The following CHD7 variants were observed in gnomAD, a reference collection of about 807,000 sequenced individuals.
CHD7 encodes ATP-dependent chromatin remodeler CHD7.
CHD7 carries 24 observed loss-of-function variants against 307.3 expected under a neutral mutation model. The ratio of observed to expected loss-of-function variants is 0.08; its 90% CI spans 0.06 to 0.11. CHD7 has a LOEUF of 0.11. CHD7 is among the 10% of genes least tolerant of loss of function. The probability of loss-of-function intolerance (pLI) is 1.00; values close to 1 mark genes in which losing one functional copy is unlikely to be tolerated. For missense variants in CHD7, 3,106 were observed against 3,727.1 expected (o/e 0.83, Z 4.34); for synonymous variants, 1,363 against 1,349.9 (o/e 1.01, Z -0.21).
At chr8:60,768,043 A>G (rs1251129026) in intron 2 of CHD7, among the ~76,000 whole-genome samples, 1 of 152,112 alleles carries the variant, frequency 6.6e-6, no homozygotes, top group Admixed American at 6.5e-5. Flanking sequence ...TTAGATTTGT[A>G]TTCTAGTATA....
intron 3 of CHD7, among the ~76,000 whole-genome samples, chr8:60,786,454 G>A (rs577785885): frequency 4.6e-5 from 7 of 152,192 alleles, no homozygotes; most frequent in Non-Finnish European, 1.0e-4. Flanking sequence ...CTGGAAATTT[G>A]TTTCTGCCCA....
Position 60,841,838 on chromosome 8 carries a change from T to C in CHD7, c.4645-9T>C, listed in dbSNP as rs766575601. The C allele has an allele frequency of 9.4e-5, 151 of 1,608,230 alleles. No individual in the cohort carries two copies. The highest frequency in any genetic ancestry group is 2.5e-5 in the Non-Finnish European group (29 of 1,176,758). On this transcript the variant is annotated splice_polypyrimidine_tract_variant and intron_variant, in intron 20 of 37. Coordinates refer to ENST00000423902, the MANE Select transcript of CHD7 (RefSeq NM_017780.4). Reference sequence around the variant, plus strand: ...GAAATGTCAAATGTATCTCCTCTTTTATTATTAGAACAACCTGGTTATTGA... The same window carrying C: ...GAAATGTCAAATGTATCTCCTCTTTCATTATTAGAACAACCTGGTTATTGA...
intron 1 of CHD7, among the ~76,000 whole-genome samples, chr8:60,715,097 G>A (rs1807523753): frequency 6.6e-6 from 1 of 152,210 alleles, no homozygotes; most frequent in Admixed American, 6.5e-5. Flanking sequence ...ATTGGAGAAA[G>A]ACATTAGAGT....
At chr8:60,746,316 A>G (rs550233370) in intron 2 of CHD7, among the ~76,000 whole-genome samples, 1 of 152,258 alleles carries the variant, frequency 6.6e-6, no homozygotes, top group Non-Finnish European at 1.5e-5. Context: ...GATTTGTGCA[A>G]ATATTATCCC....
intron 36 of CHD7, 30 bp downstream of exon 36, chr8:60,862,366 A>G (rs1178590985): frequency 5.1e-6 from 8 of 1,582,660 alleles, no homozygotes; most frequent in Admixed American, 1.8e-5. Flanking sequence ...ATTGATCACT[A>G]TGCGATTTCT....
At position 60,862,283 on chromosome 8, in the gene CHD7, A is replaced by G. The variant is rs536569775; in HGVS notation, c.7918A>G (p.Thr2640Ala). Residue 2640 changes from threonine (T) to alanine (A), a missense_variant, in exon 36 of 38, where the codon ACT becomes GCT. By Grantham distance (58) the Thr-to-Ala change is moderately conservative. Transcript: ENST00000423902. ...AAACCCTAATAAATTGGATATAAAC[A>G]CTTTGACAGGAGAAGAAAGGGTGCC... ...CRNPNKLDINTLTGEERVPVV... is the reference protein window; with the variant it reads ...CRNPNKLDINALTGEERVPVV... 1.9e-6 allele frequency: 3 copies of G among 1,610,050 alleles called. No individual in the cohort carries two copies. Among genetic ancestry groups the G allele is most frequent in the East Asian group, 2.2e-5 (1 of 44,860 alleles).
At chr8:60,821,735 T>C in intron 9 of CHD7, 55 bp from the exon 10 acceptor site, 2 of 1,467,144 alleles carry the variant, frequency 1.4e-6, no homozygotes, top group Non-Finnish European at 1.9e-6. Flanking sequence ...TATATATGTA[T>C]ATGTATGTAT....
At chr8:60,765,028 GCAGCATGAGTGC>G (rs1810398538) in intron 2 of CHD7, among the ~76,000 whole-genome samples, 1 of 152,212 alleles carries the variant, frequency 6.6e-6, no homozygotes, top group Non-Finnish European at 1.5e-5. Context: ...AATGCACGAG[GCAGCATGAGTGC>G]CCTTTTCAAG....
intron 8 of CHD7, among the ~76,000 whole-genome samples, chr8:60,819,689 G>A (rs759861466): frequency 3.2e-4 from 49 of 152,242 alleles, no homozygotes; most frequent in Non-Finnish European, 5.3e-4. Context: ...TAAATGCATC[G>A]CATGCCATAA....
chr8:60,686,131 T>C (rs1293143201), intron 1 of CHD7, among the ~76,000 whole-genome samples: 2 of 152,170 alleles, frequency 1.3e-5, no homozygotes, highest in African/African-American at 2.4e-5. Context: ...TCCTGTCTTG[T>C]GTTGTTTGTA....
chr8:60,770,837 A>G (rs766841989), intron 2 of CHD7, among the ~76,000 whole-genome samples: 1 of 152,184 alleles, frequency 6.6e-6, no homozygotes, highest in East Asian at 1.9e-4. Flanking sequence ...ACCTTACACC[A>G]AGTTCTCTTT....
chr8:60,724,861 G>C (rs1177688806), intron 1 of CHD7, among the ~76,000 whole-genome samples: 1 of 152,132 alleles, frequency 6.6e-6, no homozygotes, highest in Non-Finnish European at 1.5e-5. Flanking sequence ...TAAGTCATAG[G>C]CCTGTGTTGA....
rs1233377890 is a variant in CHD7, at chr8:60,838,195, C to T, written c.4473C>T (p.Leu1491=). ...GTGAAGAAGATATTGATCAGATCCT[C>T]CTACGTCGAACCCACACCATTACCA... is the stretch of plus-strand genomic sequence containing the variant. ...KFCEEDIDQI[L]LRRTHTITIE... Residue 1491 remains leucine, a synonymous_variant, in exon 19 of 38, where the codon CTC becomes CTT. Coordinates refer to ENST00000423902, the MANE Select transcript of CHD7 (RefSeq NM_017780.4). The T allele has an allele frequency of 6.2e-6, 10 of 1,600,670 alleles. No homozygotes were observed. Among genetic ancestry groups the T allele is most frequent in the Non-Finnish European group, 8.5e-6 (10 of 1,173,492 alleles).
At chr8:60,725,194 C>T (rs1808105815) in intron 1 of CHD7, among the ~76,000 whole-genome samples, 1 of 152,172 alleles carries the variant, frequency 6.6e-6, no homozygotes, top group South Asian at 2.1e-4. Flanking sequence ...CTCTGGATTT[C>T]AGATGTGTGG....
chr8:60,855,259 T>G (rs1285993609), intron 32 of CHD7: 1 of 152,242 alleles, frequency 6.6e-6, no homozygotes, highest in Admixed American at 6.5e-5. Context: ...TTGTTTCCTC[T>G]CTCTATCCCT....
chr8:60,780,200 C>T (rs1811141647), intron 2 of CHD7, among the ~76,000 whole-genome samples: 1 of 152,086 alleles, frequency 6.6e-6, no homozygotes, highest in Non-Finnish European at 1.5e-5. Context: ...CTTGGCTGAC[C>T]ACTCAGAATC....
intron 13 of CHD7, among the ~76,000 whole-genome samples, chr8:60,828,233 A>G (rs1804343735): frequency 6.6e-6 from 1 of 152,220 alleles, no homozygotes. Context: ...TTTTGTCTCT[A>G]TGAAGTGAGT....
Position 60,856,553 on chromosome 8 carries a change from G to T in CHD7, c.7273G>T (p.Ala2425Ser), listed in dbSNP as rs1327945597. 1 of 1,614,026 alleles carries T rather than the reference G, an allele frequency of 6.2e-7. No homozygotes were observed. Among genetic ancestry groups the T allele is most frequent in the Non-Finnish European group, 8.5e-7 (1 of 1,179,894 alleles). The change falls in exon 34 of 38, where the codon GCC (alanine) becomes TCC (serine). Residue 2425 changes from alanine (A) to serine (S), a missense_variant. This residue lies in a region of CHD7 where 1,030 missense variants were observed against 1,165.4 expected (regional missense o/e 0.88). Transcript: ENST00000423902. ...AKRRNLMEMVAQLRESQVVSE... is the reference protein window; with the variant it reads ...AKRRNLMEMVSQLRESQVVSE... ...GAGGCGAAATCTCATGGAGATGGTTGCCCAGCTTCGAGAGTCTCAGGTGGT... is the reference window on the plus strand; with the variant it reads ...GAGGCGAAATCTCATGGAGATGGTTTCCCAGCTTCGAGAGTCTCAGGTGGT...
intron 1 of CHD7, among the ~76,000 whole-genome samples, chr8:60,716,151 C>T (rs1301062163): frequency 6.6e-6 from 1 of 152,240 alleles, no homozygotes; most frequent in Non-Finnish European, 1.5e-5. Context: ...TTTCTCTCCA[C>T]TTCTACCACC....
Sources: allele counts gnomAD v4.1 joint callset (sites outside exome capture counted in the v4.1 genomes callset), GRCh38; gene constraint gnomAD v4.1.1; regional missense constraint gnomAD v4.1.1; transcripts MANE v1.5; gene names NCBI Gene and HGNC (gene_info 2026-07-23, HGNC 2026-07-21).